The following SPAM1 variants were observed in gnomAD, a reference collection of about 807,000 sequenced individuals.
SPAM1 encodes hyaluronidase PH-20.
Under a neutral mutation model 29.6 loss-of-function variants are expected in SPAM1, and 22 were observed. The observed-to-expected ratio is 0.74, with a 90% confidence interval of 0.53 to 1.06. The LOEUF is 1.06. SPAM1 is among the 50% of genes least tolerant of loss of function. The probability of loss-of-function intolerance (pLI) is 0.00; values close to 1 mark genes in which losing one functional copy is unlikely to be tolerated. For synonymous variants in SPAM1, 194 were observed against 204.6 expected, an observed-to-expected ratio of 0.95 and a Z score of 0.44; for missense variants, 534 against 604.0, an observed-to-expected ratio of 0.88 and a Z score of 1.21.
chr7:123,969,477 TA>T (rs1364519183), intron 5 of SPAM1, among the ~76,000 whole-genome samples: 7 of 152,170 alleles, frequency 4.6e-5, no homozygotes, highest in African/African-American at 1.4e-4. Context: ...TGTTGAGAGA[TA>T]GGGGTACATT....
chr7:123,955,145 T>C lies in SPAM1; in HGVS notation c.1044+59T>C, dbSNP rs1792222204. The C allele has an allele frequency of 2.4e-6, 3 of 1,233,902 alleles. No homozygotes were observed. The Admixed American group carries it at 5.1e-5, about 21-fold the overall frequency. 76.4% of individuals were successfully genotyped at this position (1,233,902 alleles called of 1,614,324 possible). On this transcript the variant is annotated intron_variant, in intron 4 of 4. Transcript: ENST00000682466. ...TTTCTATGTTTAATGTTTTTGGGGA[T>C]TGTTTTGGTATTAAATAAGAAAATA...
At chr7:123,935,044 C>A (rs189930497) in intron 1 of SPAM1, among the ~76,000 whole-genome samples, 1 of 152,148 alleles carries the variant, frequency 6.6e-6, no homozygotes, top group East Asian at 1.9e-4. Context: ...GCTAATTACC[C>A]TTATTTGGTT....
intron 1 of SPAM1, among the ~76,000 whole-genome samples, chr7:123,949,419 A>C (rs1168729937): frequency 6.6e-6 from 1 of 152,112 alleles, no homozygotes; most frequent in Non-Finnish European, 1.5e-5. Flanking sequence ...TGTATACTTC[A>C]ACTGTGTGTA....
intron 1 of SPAM1, among the ~76,000 whole-genome samples, chr7:123,949,636 G>A (rs890427308): frequency 1.3e-5 from 2 of 151,000 alleles, no homozygotes; most frequent in African/African-American, 4.9e-5. Flanking sequence ...AATACATAGT[G>A]GTGAATACTA....
downstream of SPAM1, among the ~76,000 whole-genome samples, chr7:123,960,998 T>G (rs1421247074): frequency 6.6e-6 from 1 of 151,900 alleles, no homozygotes; most frequent in African/African-American, 2.4e-5. Context: ...TGTATAGTCT[T>G]TTACATTATG....
At chr7:123,940,646 G>A (rs979771205) in intron 1 of SPAM1, among the ~76,000 whole-genome samples, 3 of 151,890 alleles carry the variant, frequency 2.0e-5, no homozygotes, top group Admixed American at 6.6e-5. Context: ...ATACCACCAT[G>A]CCCAGCTAAC....
At position 123,953,804 on chromosome 7, in the gene SPAM1, C is replaced by T; in HGVS notation, c.234C>T (p.Ser78=). The T allele has an allele frequency of 6.2e-7, 1 of 1,612,500 alleles. No homozygotes were observed. The highest frequency in any genetic ancestry group is 8.5e-7 in the Non-Finnish European group (1 of 1,179,342). The change falls in exon 3 of 5, where the codon AGC becomes AGT. Residue 78 remains serine (S), a synonymous_variant. Coordinates refer to ENST00000682466, the MANE Select transcript of SPAM1 (RefSeq NM_153189.3). ...LDMSLFSFIG[S]PRINATGQGV... The stretch of plus-strand genomic sequence containing the variant: ...TGAGCCTCTTCTCTTTCATAGGAAG[C>T]CCCCGAATAAACGCCACCGGGCAAG...
At position 123,954,389 on chromosome 7, in the gene SPAM1, T is replaced by G; in HGVS notation, c.819T>G (p.Ala273=). 6.2e-7 allele frequency: 1 copy of G among 1,613,546 alleles called. No homozygotes were observed. Reference sequence around the variant, plus strand: ...TGAACACTCAGCAGTCTCCTGTAGCTGCTACACTCTATGTGCGCAATCGAG... The same window carrying G: ...TGAACACTCAGCAGTCTCCTGTAGCGGCTACACTCTATGTGCGCAATCGAG... ...IYLNTQQSPV[A]ATLYVRNRVR... is the part of the protein sequence containing the mutation. Residue 273 remains alanine (A), a synonymous_variant, in exon 3 of 5, where the codon GCT becomes GCG. Transcript: ENST00000682466.
At chr7:123,955,888 T>C (rs1430484959) in intron 4 of SPAM1, among the ~76,000 whole-genome samples, 3 of 151,902 alleles carry the variant, frequency 2.0e-5, no homozygotes, top group African/African-American at 7.2e-5. Context: ...TGTCAGAAAA[T>C]CATTGTAAAA....
chr7:123,954,444 C>A lies in SPAM1; in HGVS notation c.874C>A (p.Pro292Thr). 1 of 1,613,254 alleles carries A rather than the reference C, an allele frequency of 6.2e-7. No homozygotes were observed. The highest frequency in any genetic ancestry group is 8.5e-7 in the Non-Finnish European group (1 of 1,179,548). ...VREAIRVSKI[P>T]DAKSPLPVFA... ...GGAAGCCATCAGAGTTTCCAAAATA[C>A]CTGATGCAAAAAGTCCACTTCCGGT... The change falls in exon 3 of 5, where the codon CCT becomes ACT. Residue 292 changes from proline (P) to threonine (T), a missense_variant. Transcript: ENST00000682466.
At chr7:123,925,760 A>G (rs1807861185) in intron 1 of SPAM1, 1 of 149,408 alleles carries the variant, frequency 6.7e-6, no homozygotes, top group Admixed American at 6.7e-5. Context: ...AGGCATTACA[A>G]TGGAGGGATT....
intron 1 of SPAM1, among the ~76,000 whole-genome samples, chr7:123,929,249 G>A (rs73226189): frequency 6.6e-6 from 1 of 152,252 alleles, no homozygotes; most frequent in Non-Finnish European, 1.5e-5. Flanking sequence ...CACCTTGGTA[G>A]GAAAGGTCTC....
At chr7:123,952,428 T>C (rs1313834013) in intron 2 of SPAM1, among the ~76,000 whole-genome samples, 3 of 152,082 alleles carry the variant, frequency 2.0e-5, no homozygotes. Context: ...AAAGAAAGTT[T>C]CCAATTCCCT....
At chr7:123,946,670 G>T (rs1808584524) in intron 1 of SPAM1, among the ~76,000 whole-genome samples, 1 of 152,104 alleles carries the variant, frequency 6.6e-6, no homozygotes, top group African/African-American at 2.4e-5. Context: ...ACAACTTGAG[G>T]TGGGGGGCTT....
chr7:123,951,834 C>T (rs1412135051), intron 2 of SPAM1, among the ~76,000 whole-genome samples: 1 of 152,118 alleles, frequency 6.6e-6, no homozygotes, highest in Non-Finnish European at 1.5e-5. Flanking sequence ...GTTGGTCAGG[C>T]TGGTCTCAAA....
At chr7:123,970,408 T>C in intron 6 of SPAM1, 1 of 654,160 alleles carries the variant, frequency 1.5e-6, no homozygotes, top group Non-Finnish European at 2.5e-6. Context: ...GACCTCATTT[T>C]CACTTAATTA....
intron 2 of SPAM1, among the ~76,000 whole-genome samples, chr7:123,952,468 T>C (rs1792130436): frequency 6.6e-6 from 1 of 152,140 alleles, no homozygotes; most frequent in African/African-American, 2.4e-5. Flanking sequence ...TAACTATATC[T>C]TCTTGCAGGT....
intron 1 of SPAM1, among the ~76,000 whole-genome samples, chr7:123,940,290 G>A (rs1002200073): frequency 6.6e-6 from 1 of 151,762 alleles, no homozygotes; most frequent in African/African-American, 2.4e-5. Context: ...GAGTGGCTCT[G>A]AAAATTGAAC....
intron 4 of SPAM1, among the ~76,000 whole-genome samples, chr7:123,957,126 T>G (rs1289766049): frequency 1.3e-5 from 2 of 151,986 alleles, no homozygotes; most frequent in Non-Finnish European, 2.9e-5. Context: ...TTGAAGAATA[T>G]TGACAAAGTC....
Sources: allele counts gnomAD v4.1 joint callset (sites outside exome capture counted in the v4.1 genomes callset), GRCh38; gene constraint gnomAD v4.1.1; transcripts MANE v1.5; gene names NCBI Gene and HGNC (gene_info 2026-07-23, HGNC 2026-07-21).